UBE3C: variants seen among roughly 807,000 people sequenced by gnomAD.
UBE3C encodes ubiquitin protein ligase E3C.
UBE3C carries 42 observed loss-of-function variants against 129.4 expected under a neutral mutation model. The observed-to-expected ratio is 0.32, with a 90% CI of 0.25 to 0.42. The LOEUF is 0.42. Ranked by LOEUF, UBE3C falls within the 10% of genes least tolerant of loss-of-function variation. UBE3C has a pLI of 1.00. For synonymous variants in UBE3C, 510 were observed against 492.4 expected (o/e 1.04, Z -0.47); for missense variants, 1,049 against 1,319.1 (o/e 0.80, Z 3.17).
chr7:157,232,360 GT>G (rs1796043991), intron 18 of UBE3C, among the ~76,000 whole-genome samples: 1 of 152,150 alleles, frequency 6.6e-6, no homozygotes, highest in South Asian at 2.1e-4. Context: ...TAGTTTGTTT[GT>G]TTGTTTGTTT....
intron 18 of UBE3C, among the ~76,000 whole-genome samples, chr7:157,246,159 G>C (rs763917986): frequency 2.4e-4 from 36 of 152,150 alleles, no homozygotes; most frequent in Admixed American, 7.9e-4. Context: ...GAATCTCAAG[G>C]GGTGTCTGAG....
rs565779914 is a variant in UBE3C, at chr7:157,170,202, A to G, written c.196-102A>G. The G allele has an allele frequency of 2.5e-5, 28 of 1,123,106 alleles. No individual in the cohort carries two copies. The South Asian group carries it at 3.8e-4, about 15-fold the overall frequency. The allele number at this position is 1,123,106 out of a possible 1,614,324, so 69.6% of individuals were successfully genotyped here. A position where few individuals can be genotyped will look rare whatever the true frequency, so the allele number is the denominator to read the frequency against. ...ACCGATAATGGTGTTTTCGTTGTCA[A>G]TTTCCACCATTCCTGTAAACACAGC... On this transcript the variant is annotated intron_variant, in intron 3 of 22. Transcript: ENST00000348165.
At chr7:157,233,266 AT>A (rs1796069625) in intron 18 of UBE3C, among the ~76,000 whole-genome samples, 1 of 152,160 alleles carries the variant, frequency 6.6e-6, no homozygotes, top group South Asian at 2.1e-4. Context: ...ATCTTATTTC[AT>A]TGTATGGATA....
intron 18 of UBE3C, among the ~76,000 whole-genome samples, chr7:157,243,205 C>T (rs1796391444): frequency 2.0e-5 from 3 of 152,152 alleles, no homozygotes; most frequent in Admixed American, 2.0e-4. Flanking sequence ...TGCAGGGCTT[C>T]CGAAGTGAAA....
intron 10 of UBE3C, 50 bp downstream of exon 10, chr7:157,187,071 C>T (rs1300581462): frequency 6.6e-7 from 1 of 1,520,222 alleles, no homozygotes; most frequent in South Asian, 1.2e-5. Context: ...AGAGAACATA[C>T]CTTCCTCCCT....
intron 13 of UBE3C, among the ~76,000 whole-genome samples, chr7:157,215,193 G>A (rs1022800444): frequency 2.0e-5 from 3 of 152,084 alleles, no homozygotes; most frequent in Admixed American, 6.6e-5. Flanking sequence ...CAAATTGCTC[G>A]AATAACACTT....
chr7:157,199,407 T>C (rs1038382120), intron 10 of UBE3C, among the ~76,000 whole-genome samples: 16 of 152,152 alleles, frequency 1.1e-4, no homozygotes, highest in Non-Finnish European at 2.4e-4. Flanking sequence ...TATCATTTTC[T>C]AATACAGCTT....
chr7:157,163,599 T>A (rs984973175), intron 1 of UBE3C, among the ~76,000 whole-genome samples: 1 of 152,186 alleles, frequency 6.6e-6, no homozygotes, highest in African/African-American at 2.4e-5. Flanking sequence ...CTTAAAAAAC[T>A]ACTGAAGTAC....
At chr7:157,224,484 G>A (rs910087043) in intron 16 of UBE3C, among the ~76,000 whole-genome samples, 5 of 152,118 alleles carry the variant, frequency 3.3e-5, no homozygotes, top group African/African-American at 4.8e-5. Context: ...ATGAGCCACC[G>A]CGCCCAGCCA....
chr7:157,208,512 C>G (rs1485603689), intron 13 of UBE3C, among the ~76,000 whole-genome samples: 1 of 152,130 alleles, frequency 6.6e-6, no homozygotes, highest in Non-Finnish European at 1.5e-5. Flanking sequence ...TTACATGCAT[C>G]TTTTCTATGT....
At chr7:157,205,054 T>C (rs1025956936) in intron 11 of UBE3C, among the ~76,000 whole-genome samples, 5 of 152,346 alleles carry the variant, frequency 3.3e-5, no homozygotes, top group African/African-American at 1.2e-4. Context: ...TGAATCAGTG[T>C]CTTTTCCATT....
rs530197091 is a variant in UBE3C at position 157,183,790 on chromosome 7, C to T, written c.992-88C>T. On this transcript the variant is annotated intron_variant, in intron 8 of 22. Coordinates refer to ENST00000348165, the MANE Select transcript of UBE3C (RefSeq NM_014671.3). ...ATAAGATCTGGTCAGAAATGCCTCT[C>T]TGCGTGTGAGGAAAAATGGCGTCTT... 5 of 1,479,642 alleles carry T rather than the reference C, an allele frequency of 3.4e-6. No homozygotes were observed. The African/African-American group carries it at 5.6e-5, about 17-fold the overall frequency. The allele number at this position is 1,479,642 out of a possible 1,614,324, so 91.7% of individuals were successfully genotyped here. A position where few individuals can be genotyped will look rare whatever the true frequency, so the allele number is the denominator to read the frequency against.
chr7:157,158,284 G>C (rs1807972668), intron 1 of UBE3C, among the ~76,000 whole-genome samples: 1 of 152,032 alleles, frequency 6.6e-6, no homozygotes, highest in African/African-American at 2.4e-5. Context: ...TCATGGACTG[G>C]CCGAGAGAGG....
intron 22 of UBE3C, among the ~76,000 whole-genome samples, chr7:157,259,612 G>C (rs546278614): frequency 6.6e-6 from 1 of 152,148 alleles, no homozygotes; most frequent in African/African-American, 2.4e-5. Context: ...CTAAGTGAAC[G>C]AAGCAAGACA....
intron 10 of UBE3C, among the ~76,000 whole-genome samples, chr7:157,200,550 C>T (rs1809251746): frequency 6.6e-6 from 1 of 152,156 alleles, no homozygotes; most frequent in Non-Finnish European, 1.5e-5. Context: ...CAGTATAAAA[C>T]AGAGCTAATT....
Position 157,254,765 on chromosome 7 carries a change from G to T in UBE3C, c.2950+455G>T, listed in dbSNP as rs569955174. On this transcript the variant is annotated intron_variant, in intron 21 of 22. Transcript: ENST00000348165. ...CATGGTTCAAAAACCAGATGGCTGA[G>T]TGCAGTGGCTCACGCCTGTAATCCC... 2.6e-5 allele frequency among the ~76,000 whole-genome samples: 4 copies of T among 152,278 alleles called. No individual in the cohort carries two copies. In the East Asian group the frequency reaches 5.8e-4, roughly 22 times the overall value.
chr7:157,139,543 C>T (rs1310967098), intron 1 of UBE3C, among the ~76,000 whole-genome samples: 1 of 152,042 alleles, frequency 6.6e-6, no homozygotes, highest in Non-Finnish European at 1.5e-5. Flanking sequence ...GGAGCCGAGA[C>T]TTGGGGCCAG....
At chr7:157,183,462 C>T (rs772145011) in intron 8 of UBE3C, among the ~76,000 whole-genome samples, 1 of 152,170 alleles carries the variant, frequency 6.6e-6, no homozygotes, top group Non-Finnish European at 1.5e-5. Context: ...TTGTGTCTTC[C>T]TGTTGAGTTT....
In UBE3C at chr7:157,267,719, T is replaced by C. The variant is rs775695568; in HGVS notation, c.3216T>C (p.Tyr1072=). ...DETLLRSKLL[Y]AIECAAGFEL... ...CACTTTTGCGAAGTAAACTTCTCTATGCGATTGAATGTGCCGCTGGCTTTG... is the reference window on the plus strand; with the variant it reads ...CACTTTTGCGAAGTAAACTTCTCTACGCGATTGAATGTGCCGCTGGCTTTG... The change falls in exon 23 of 23, where the codon TAT becomes TAC. Residue 1072 remains tyrosine, a synonymous_variant. Coordinates refer to ENST00000348165, the MANE Select transcript of UBE3C (RefSeq NM_014671.3). 2.5e-6 allele frequency: 4 copies of C among 1,611,874 alleles called. No individual in the cohort carries two copies. Among genetic ancestry groups the C allele is most frequent in the Non-Finnish European group, 8.5e-7 (1 of 1,179,020 alleles).
Sources: gnomAD v4.1 joint callset for allele counts (sites outside exome capture counted in the v4.1 genomes callset) on GRCh38, gnomAD v4.1.1 for gene constraint, MANE v1.5 for transcripts, NCBI Gene and HGNC (gene_info 2026-07-23, HGNC 2026-07-21) for gene names.